The following KLHL18 variants were observed in gnomAD, a reference collection of about 807,000 sequenced individuals.
KLHL18 encodes kelch like family member 18.
In KLHL18, 38 loss-of-function variants were observed where a neutral mutation model predicts 58.5. The ratio of observed to expected loss-of-function variants is 0.65; its 90% CI spans 0.50 to 0.85. The LOEUF (loss-of-function observed/expected upper bound fraction) is 0.85. Among genes scored for constraint, KLHL18 ranks in the 40% least tolerant of loss-of-function variants. KLHL18 has a pLI of 0.00. For synonymous variants in KLHL18, 303 were observed against 301.9 expected, an observed-to-expected ratio of 1.00 and a Z score of -0.04; for missense variants, 624 against 778.4, an observed-to-expected ratio of 0.80 and a Z score of 2.36.
chr3:47,308,259 T>A (rs370986514), intron 1 of KLHL18, among the ~76,000 whole-genome samples: 2 of 152,114 alleles, frequency 1.3e-5, no homozygotes, highest in African/African-American at 2.4e-5. Flanking sequence ...TTTTTAAAAA[T>A]TTTAGATTTT....
In KLHL18 at chr3:47,318,428, T is replaced by C. The variant is rs1451443126; in HGVS notation, c.130-1225T>C. On this transcript the variant is annotated intron_variant, in intron 1 of 9. Coordinates refer to ENST00000232766, the MANE Select transcript of KLHL18 (RefSeq NM_025010.5). ...AGGGTAAGAGGAATTTCAGTGCCTT[T>C]TATGACCTAGCTTTGAATGTGACAT... Among the ~76,000 whole-genome samples, 3 of 152,324 alleles carry C rather than the reference T, an allele frequency of 2.0e-5. No homozygotes were observed. The East Asian group carries it at 5.8e-4, about 29-fold the overall frequency.
chr3:47,283,719 T>C (rs1702556272), intron 1 of KLHL18, among the ~76,000 whole-genome samples: 2 of 152,052 alleles, frequency 1.3e-5, no homozygotes, highest in Non-Finnish European at 2.9e-5. Flanking sequence ...CTGACTGATA[T>C]TAAGAGGGAA....
rs768322358 is a variant in KLHL18, at chr3:47,343,531, C to T, written c.1339-24C>T. On this transcript the variant is annotated intron_variant, in intron 9 of 9. Coordinates refer to ENST00000232766, the MANE Select transcript of KLHL18 (RefSeq NM_025010.5). ...GAGCTTTGCCTCTGACTGTCCTGTA[C>T]CTGTGCCTCTCTCCCCACTGCAGGT... 3.7e-6 allele frequency: 6 copies of T among 1,612,240 alleles called. No homozygotes were observed. In the South Asian group the frequency reaches 4.4e-5, roughly 12 times the overall value.
Position 47,322,572 on chromosome 3 carries a change from C to G in KLHL18, c.265C>G (p.Leu89Val). 6.2e-7 allele frequency: 1 copy of G among 1,602,172 alleles called. No homozygotes were observed. The highest frequency in any genetic ancestry group is 1.8e-4 in the Middle Eastern group (1 of 5,484). Residue 89 changes from leucine to valine, a missense_variant, in exon 3 of 10, where the codon CTG becomes GTG. Physicochemically the swap from Leu to Val is conservative, Grantham distance 32. Transcript: ENST00000232766. ...AGCTTTCCCTCTTTCCTCTAGTGCC[C>G]TGGAGGCTCTGATCAACTTTGCCTA... Reference protein sequence around the residue: ...IVMQGMDPSALEALINFAYNG... With the variant: ...IVMQGMDPSAVEALINFAYNG...
chr3:47,319,676 C>G lies in KLHL18; in HGVS notation c.153C>G (p.Ala51=), dbSNP rs1339711865. Residue 51 remains alanine, a synonymous_variant, in exon 2 of 10, where the codon GCC becomes GCG. Coordinates refer to ENST00000232766, the MANE Select transcript of KLHL18 (RefSeq NM_025010.5). ...TLKIGDHKFS[A]HRIVLAASIP... is the part of the protein sequence containing the mutation. The stretch of plus-strand genomic sequence containing the variant: ...AGATTGGGGACCACAAATTCAGTGC[C>G]CACCGGATTGTCTTAGCAGCCTCGA... 6.2e-7 allele frequency: 1 copy of G among 1,613,720 alleles called. No homozygotes were observed. The highest frequency in any genetic ancestry group is 8.5e-7 in the Non-Finnish European group (1 of 1,179,846).
chr3:47,324,332 G>A (rs560062645), intron 3 of KLHL18, among the ~76,000 whole-genome samples: 1 of 7,818 alleles, frequency 1.3e-4, no homozygotes, highest in East Asian at 0.011. Context: ...TTTCTGTAAG[G>A]TAGAGCCCCA....
rs369714691 is a variant in KLHL18, at chr3:47,319,591, TG to T, written c.130-61del. ...GGCGGAGGGGCAGGGTGGGTTTTTT[TG>T]TTTGTTTGTTTTTGTTTTGCATTCC... On this transcript the variant is annotated intron_variant, in intron 1 of 9. Transcript: ENST00000232766. 6,768 of 1,449,478 alleles carry T rather than the reference TG, an allele frequency of 4.7e-3. 3 individuals are homozygous for T. The highest frequency in any genetic ancestry group is 6.6e-3 in the Middle Eastern group (35 of 5,304). 89.8% of individuals were successfully genotyped at this position (1,449,478 alleles called of 1,614,324 possible).
At chr3:47,290,010 C>T (rs1702757846) in intron 1 of KLHL18, among the ~76,000 whole-genome samples, 1 of 152,096 alleles carries the variant, frequency 6.6e-6, no homozygotes, top group African/African-American at 2.4e-5. Context: ...TAAATTTATA[C>T]AAATAAAAAC....
At chr3:47,322,026 A>G (rs943439269) in intron 2 of KLHL18, among the ~76,000 whole-genome samples, 4 of 152,196 alleles carry the variant, frequency 2.6e-5, no homozygotes, top group Non-Finnish European at 5.9e-5. Context: ...TTTGGATTTC[A>G]TTTTCAGTGT....
At chr3:47,300,583 CTG>C (rs1703001950) in intron 1 of KLHL18, among the ~76,000 whole-genome samples, 1 of 138,492 alleles carries the variant, frequency 7.2e-6, no homozygotes, top group Admixed American at 7.3e-5. Flanking sequence ...TATATGATCA[CTG>C]TTTTTTATTT....
At chr3:47,293,965 A>G (rs1702843681) in intron 1 of KLHL18, among the ~76,000 whole-genome samples, 1 of 152,246 alleles carries the variant, frequency 6.6e-6, no homozygotes, top group African/African-American at 2.4e-5. Flanking sequence ...TAACTCCACA[A>G]GAGCAGGGCT....
chr3:47,289,827 C>T (rs969286080), intron 1 of KLHL18, among the ~76,000 whole-genome samples: 24 of 152,188 alleles, frequency 1.6e-4, no homozygotes, highest in African/African-American at 5.5e-4. Context: ...TCAAAGCTAT[C>T]ATTTTACATG....
At chr3:47,303,022 CTA>C (rs1703060593) in intron 1 of KLHL18, among the ~76,000 whole-genome samples, 1 of 152,200 alleles carries the variant, frequency 6.6e-6, no homozygotes, top group African/African-American at 2.4e-5. Context: ...TCTCAAAGAT[CTA>C]TATCTTGAAA....
chr3:47,321,336 G>T (rs1020640598), intron 2 of KLHL18, among the ~76,000 whole-genome samples: 414 of 141,698 alleles, frequency 2.9e-3, no homozygotes, highest in African/African-American at 7.5e-3. Context: ...TTTTTTTTTT[G>T]TTTTGTTTTG....
intron 8 of KLHL18, among the ~76,000 whole-genome samples, chr3:47,341,342 C>T (rs1704104601): frequency 2.0e-5 from 3 of 152,162 alleles, no homozygotes; most frequent in Non-Finnish European, 4.4e-5. Context: ...AGCCAGTATT[C>T]TGTTCACTTG....
In KLHL18 at chr3:47,334,916, G is replaced by A; in HGVS notation, c.898+97G>A. On this transcript the variant is annotated intron_variant, in intron 6 of 9. Coordinates refer to ENST00000232766, the MANE Select transcript of KLHL18 (RefSeq NM_025010.5). The surrounding 1 kb of genome is among the most constrained non-coding windows in gnomAD (Gnocchi z 4.7). ...CTGGCCCTTCTGGTTTCTCTGTTTT[G>A]TACTGTCACCACCCTTGCCCCTCTT... The A allele has an allele frequency of 7.8e-7, 1 of 1,278,452 alleles. No individual in the cohort carries two copies. Among genetic ancestry groups the A allele is most frequent in the Non-Finnish European group, 1.1e-6 (1 of 917,888 alleles). The allele number at this position is 1,278,452 out of a possible 1,614,324, so 79.2% of individuals were successfully genotyped here.
chr3:47,322,476 G>A, intron 2 of KLHL18, 92 bp from the exon 3 acceptor site: 1 of 1,276,210 alleles, frequency 7.8e-7, no homozygotes, highest in Non-Finnish European at 1.1e-6. Flanking sequence ...AAGGGCCTGG[G>A]CTAAGTAATG....
chr3:47,301,515 C>G (rs999635913), intron 1 of KLHL18, among the ~76,000 whole-genome samples: 2 of 152,114 alleles, frequency 1.3e-5, no homozygotes, highest in Non-Finnish European at 2.9e-5. Flanking sequence ...GTACCTTTGT[C>G]AGTAAGCAGC....
At chr3:47,320,022 C>G (rs1322444464) in intron 2 of KLHL18, among the ~76,000 whole-genome samples, 5 of 151,728 alleles carry the variant, frequency 3.3e-5, no homozygotes, top group Non-Finnish European at 5.9e-5. Flanking sequence ...TTTAATAGGA[C>G]CTAGACTCCA....
Sources: gnomAD v4.1 joint callset for allele counts (sites outside exome capture counted in the v4.1 genomes callset) on GRCh38, gnomAD v4.1.1 for gene constraint, Gnocchi (gnomAD v3.1) non-coding constraint, MANE v1.5 for transcripts, NCBI Gene and HGNC (gene_info 2026-07-23, HGNC 2026-07-21) for gene names.